The following TANC2 variants were observed in gnomAD, a reference collection of about 807,000 sequenced individuals.
The protein encoded by TANC2 is tetratricopeptide repeat, ankyrin repeat and coiled-coil containing 2.
A neutral mutation model predicts 210.5 loss-of-function variants in TANC2; 26 were observed. The ratio of observed to expected loss-of-function variants is 0.12; its 90% CI spans 0.09 to 0.17. TANC2 has a LOEUF of 0.17. Among genes scored for constraint, TANC2 ranks in the 10% least tolerant of loss-of-function variants. The pLI is 1.00. For missense variants in TANC2, 2,129 were observed against 2,608.9 expected (o/e 0.82, Z 4.01); for synonymous variants, 931 against 967.1 (o/e 0.96, Z 0.69).
At chr17:63,022,932 G>A (rs1184850046) in intron 2 of TANC2, among the ~76,000 whole-genome samples, 1 of 152,262 alleles carries the variant, frequency 6.6e-6, no homozygotes, top group Non-Finnish European at 1.5e-5. Flanking sequence ...CACAGCTCCA[G>A]AGGACGCATG....
intron 1 of TANC2, among the ~76,000 whole-genome samples, chr17:62,991,466 G>A (rs1230026329): frequency 2.0e-5 from 3 of 151,700 alleles, no homozygotes; most frequent in Non-Finnish European, 2.9e-5. Context: ...ACGAAACCCC[G>A]TCTCTACTAA....
rs530015959 is a variant in TANC2 at position 63,420,872 on chromosome 17, A to G, written c.5142A>G (p.Thr1714=). The change falls in exon 28 of 28, where the codon ACA becomes ACG. Residue 1714 remains threonine (T), a synonymous_variant. Coordinates refer to ENST00000689528, the Ensembl canonical transcript of TANC2. This position sits in a 1 kb window ranked among gnomAD's most constrained non-coding sequence, Gnocchi z 4.2. Reference sequence around the variant, plus strand: ...TCCATTCAAGCACCGTCATCCCCACAGGAGCCTATGGCCAAGTAGCCCATT... The same window carrying G: ...TCCATTCAAGCACCGTCATCCCCACGGGAGCCTATGGCCAAGTAGCCCATT... 1.9e-6 allele frequency: 3 copies of G among 1,614,032 alleles called. No individual in the cohort carries two copies. The highest frequency in any genetic ancestry group is 1.1e-5 in the South Asian group (1 of 91,080).
At chr17:63,150,360 C>T (rs1449872320) in intron 4 of TANC2, 2 of 152,138 alleles carry the variant, frequency 1.3e-5, no homozygotes, top group African/African-American at 4.8e-5. Flanking sequence ...CCTAAGCAAT[C>T]CTCATATTTT....
At chr17:63,253,239 G>A (rs1420311927) in intron 8 of TANC2, among the ~76,000 whole-genome samples, 1 of 152,096 alleles carries the variant, frequency 6.6e-6, no homozygotes, top group East Asian at 1.9e-4. Context: ...TTTGCCATTT[G>A]TATGTCTTGT....
At chr17:63,352,272 T>A (rs945656924) in intron 13 of TANC2, among the ~76,000 whole-genome samples, 5 of 152,116 alleles carry the variant, frequency 3.3e-5, no homozygotes, top group Non-Finnish European at 2.9e-5. Context: ...CAGAAAATAG[T>A]CTGTACATTT....
intron 4 of TANC2, among the ~76,000 whole-genome samples, chr17:63,127,641 C>A (rs894519419): frequency 2.0e-5 from 3 of 152,164 alleles, no homozygotes; most frequent in Non-Finnish European, 4.4e-5. Context: ...GGCACTGGCT[C>A]TCATTAGTCA....
chr17:63,025,368 C>A (rs965101775), intron 2 of TANC2, among the ~76,000 whole-genome samples: 6 of 152,066 alleles, frequency 3.9e-5, no homozygotes, highest in African/African-American at 1.2e-4. Flanking sequence ...ACGCCTTCTT[C>A]ATTTTTACTA....
At chr17:63,242,611 G>C (rs2042805440) in intron 8 of TANC2, among the ~76,000 whole-genome samples, 1 of 152,024 alleles carries the variant, frequency 6.6e-6, no homozygotes, top group Non-Finnish European at 1.5e-5. Flanking sequence ...TATAATATAT[G>C]TAAGAGAGAT....
At chr17:63,356,620 A>G (rs1313186397) in intron 14 of TANC2, among the ~76,000 whole-genome samples, 1 of 152,192 alleles carries the variant, frequency 6.6e-6, no homozygotes, top group African/African-American at 2.4e-5. Flanking sequence ...TAGACTTTGT[A>G]GCATTTTCTC....
chr17:63,042,809 A>G (rs1161853859), intron 2 of TANC2, among the ~76,000 whole-genome samples: 2 of 152,100 alleles, frequency 1.3e-5, no homozygotes, highest in East Asian at 3.8e-4. Context: ...AATTTGTTAC[A>G]TTCTTGGAAT....
At chr17:62,971,016 C>G (rs1456879329) in intron 1 of TANC2, among the ~76,000 whole-genome samples, 1 of 151,710 alleles carries the variant, frequency 6.6e-6, no homozygotes, top group Non-Finnish European at 1.5e-5. Context: ...CTGTAGTCAT[C>G]AAATGCTGTG....
intron 13 of TANC2, among the ~76,000 whole-genome samples, chr17:63,352,624 G>A (rs894108091): frequency 1.3e-5 from 2 of 152,264 alleles, no homozygotes; most frequent in African/African-American, 4.8e-5. Flanking sequence ...ATAATATCAT[G>A]TGCAGTCTCA....
chr17:63,130,575 C>A (rs570932134), intron 4 of TANC2, among the ~76,000 whole-genome samples: 1 of 151,770 alleles, frequency 6.6e-6, no homozygotes, highest in East Asian at 1.9e-4. Flanking sequence ...TTGTTAATTC[C>A]TTTCCTGATA....
At chr17:63,303,985 C>T (rs751885398) in intron 9 of TANC2, among the ~76,000 whole-genome samples, 1 of 151,948 alleles carries the variant, frequency 6.6e-6, no homozygotes, top group Non-Finnish European at 1.5e-5. Context: ...TTAGCAGCTC[C>T]TATAACCTTT....
intron 2 of TANC2, among the ~76,000 whole-genome samples, chr17:63,031,160 A>G (rs16946723): frequency 0.052 from 7,881 of 152,176 alleles, 315 homozygotes; most frequent in African/African-American, 0.11. Context: ...GTTCTTGACC[A>G]GGGGAATTCT....
chr17:63,114,934 C>A (rs766986056), intron 4 of TANC2, among the ~76,000 whole-genome samples: 1 of 152,132 alleles, frequency 6.6e-6, no homozygotes, highest in Non-Finnish European at 1.5e-5. Context: ...TTAATCATGT[C>A]CTCATCCCAG....
intron 2 of TANC2, among the ~76,000 whole-genome samples, chr17:63,010,028 A>AT (rs2033796385): frequency 6.6e-6 from 1 of 152,088 alleles, no homozygotes; most frequent in Non-Finnish European, 1.5e-5. Flanking sequence ...TATAAGTTGA[A>AT]TTTTTTATAG....
exon 28 of TANC2, chr17:63,427,297 CT>C (rs901470345): frequency 1.2e-4 from 18 of 152,392 alleles, no homozygotes; most frequent in Admixed American, 9.8e-4. Flanking sequence ...TCTTCCTCCT[CT>C]TTGCTGTCCT....
chr17:63,193,611 A>T (rs2447454), intron 5 of TANC2, among the ~76,000 whole-genome samples: 90,983 of 152,082 alleles, frequency 0.6, 29,714 homozygotes, highest in African/African-American at 0.86. Context: ...ATTTTTGTAA[A>T]GTCCTTTAAA....
Sources: allele counts gnomAD v4.1 joint callset (sites outside exome capture counted in the v4.1 genomes callset), GRCh38; gene constraint gnomAD v4.1.1; non-coding constraint Gnocchi (gnomAD v3.1); transcripts MANE v1.5; gene names NCBI Gene and HGNC (gene_info 2026-07-23, HGNC 2026-07-21).